SCGB2B2: variants seen among roughly 807,000 people sequenced by gnomAD.
SCGB2B2 encodes the protein secretoglobin-like protein.
Under a neutral mutation model 7.6 loss-of-function variants are expected in SCGB2B2, and 11 were observed. The ratio of observed to expected loss-of-function variants is 1.45; its 90% CI spans 0.91 to 2.40. The LOEUF is 2.40. SCGB2B2 is among the 30% of genes most tolerant of loss of function. The probability of loss-of-function intolerance (pLI) is 0.00; values close to 1 mark genes in which losing one functional copy is unlikely to be tolerated. For missense variants in SCGB2B2, 104 were observed against 115.4 expected, an observed-to-expected ratio of 0.90 and a Z score of 0.45; for synonymous variants, 50 against 48.6, an observed-to-expected ratio of 1.03 and a Z score of -0.12.
intron 1 of SCGB2B2, among the ~76,000 whole-genome samples, chr19:34,603,039 C>T (rs73038294): frequency 0.087 from 13,309 of 152,180 alleles, 716 homozygotes; most frequent in East Asian, 0.28. Context: ...TTTGCAAAAT[C>T]TTTAAAAATT....
chr19:34,662,973 A>G (rs568952190), intron 1 of SCGB2B2, among the ~76,000 whole-genome samples: 1 of 152,264 alleles, frequency 6.6e-6, no homozygotes, highest in East Asian at 1.9e-4. Flanking sequence ...AAAAAACAAT[A>G]AAAGTGCGGA....
intron 1 of SCGB2B2, among the ~76,000 whole-genome samples, chr19:34,672,100 C>T (rs967021383): frequency 5.3e-5 from 8 of 151,564 alleles, no homozygotes; most frequent in African/African-American, 1.9e-4. Flanking sequence ...ATGATGGGGC[C>T]AATGCACTCC....
intron 1 of SCGB2B2, among the ~76,000 whole-genome samples, chr19:34,653,060 A>G (rs906560948): frequency 3.3e-5 from 5 of 151,406 alleles, no homozygotes; most frequent in Non-Finnish European, 7.4e-5. Flanking sequence ...TTGCAGCAAC[A>G]TGGATGAGCT....
At chr19:34,587,777 A>G (rs2065214109), downstream of SCGB2B2, among the ~76,000 whole-genome samples, 1 of 152,136 alleles carries the variant, frequency 6.6e-6, no homozygotes, top group African/African-American at 2.4e-5. Context: ...TTCTGCACCT[A>G]TCGAGATGTT....
At chr19:34,620,522 G>C (rs1383994088) in intron 1 of SCGB2B2, among the ~76,000 whole-genome samples, 3 of 116,400 alleles carry the variant, frequency 2.6e-5, no homozygotes, top group Non-Finnish European at 1.8e-5. Context: ...ACACCAGGGT[G>C]GGGGGAGGGG....
At chr19:34,629,249 A>C (rs2066462646) in intron 1 of SCGB2B2, among the ~76,000 whole-genome samples, 1 of 151,968 alleles carries the variant, frequency 6.6e-6, no homozygotes, top group African/African-American at 2.4e-5. Context: ...TATTCAACAT[A>C]GTGTTGGAAG....
At chr19:34,627,250 A>C (rs1013316191) in intron 1 of SCGB2B2, among the ~76,000 whole-genome samples, 2 of 152,252 alleles carry the variant, frequency 1.3e-5, no homozygotes, top group Non-Finnish European at 2.9e-5. Flanking sequence ...TCAAATTCAC[A>C]CATAACAATA....
chr19:34,667,962 G>C lies in SCGB2B2; in HGVS notation c.-2032+7668C>G, dbSNP rs567847463. On this transcript the variant is annotated intron_variant, in intron 1 of 3. Coordinates refer to ENST00000601241, the MANE Select transcript of SCGB2B2 (RefSeq NM_001025591.4). ...GGTCACCCTTACCAATCAGGGTCCA[G>C]TCAGGTGACAGAAGTCACAGGCAAG... is the stretch of plus-strand genomic sequence containing the variant. Among the ~76,000 whole-genome samples, 24 of 152,354 alleles carry C rather than the reference G, an allele frequency of 1.6e-4. No individual in the cohort carries two copies. The East Asian group carries it at 4.4e-3, about 28-fold the overall frequency.
chr19:34,668,221 G>A (rs1403246378), intron 1 of SCGB2B2, among the ~76,000 whole-genome samples: 1 of 152,200 alleles, frequency 6.6e-6, no homozygotes, highest in Non-Finnish European at 1.5e-5. Flanking sequence ...AACCGGGGCT[G>A]AGCGTGGCGC....
At chr19:34,642,584 C>T (rs909889715) in intron 1 of SCGB2B2, among the ~76,000 whole-genome samples, 5 of 151,548 alleles carry the variant, frequency 3.3e-5, no homozygotes, top group Non-Finnish European at 5.9e-5. Context: ...GGCATGGTGG[C>T]GGGTCCTTGT....
At chr19:34,629,365 A>G (rs1440874907) in intron 1 of SCGB2B2, among the ~76,000 whole-genome samples, 1 of 152,044 alleles carries the variant, frequency 6.6e-6, no homozygotes, top group Non-Finnish European at 1.5e-5. Context: ...GTACATTTAG[A>G]AAACCCCATC....
intron 1 of SCGB2B2, among the ~76,000 whole-genome samples, chr19:34,618,890 C>T (rs924225903): frequency 1.3e-5 from 2 of 152,160 alleles, no homozygotes; most frequent in Non-Finnish European, 2.9e-5. Context: ...GGGACCTGGC[C>T]TAAGCCTTAC....
At chr19:34,611,185 G>C (rs1412334135) in intron 1 of SCGB2B2, among the ~76,000 whole-genome samples, 1 of 147,090 alleles carries the variant, frequency 6.8e-6, no homozygotes, top group Non-Finnish European at 1.5e-5. Context: ...TTTCATTTTT[G>C]GTTTTATTTA....
chr19:34,612,058 T>A lies in SCGB2B2; in HGVS notation c.-2031-15464A>T, dbSNP rs1305793837. Among the ~76,000 whole-genome samples, 15 of 83,040 alleles carry A rather than the reference T, an allele frequency of 1.8e-4. 1 individual carries two copies. Among genetic ancestry groups the A allele is most frequent in the Admixed American group, 1.3e-3 (10 of 7,730 alleles). The allele number at this position is 83,040 out of a possible 152,430, so 54.5% of individuals were successfully genotyped here. ...TTTTTTTTTTTTTTTTTTTTTTTTT[T>A]AGGATAGTCTCACTCTGTTGCCAGG... is the stretch of plus-strand genomic sequence containing the variant. On this transcript the variant is annotated intron_variant, in intron 1 of 3. Transcript: ENST00000601241.
intron 1 of SCGB2B2, among the ~76,000 whole-genome samples, chr19:34,665,186 C>T (rs55978051): frequency 0.11 from 16,853 of 152,254 alleles, 982 homozygotes; most frequent in East Asian, 0.22. Flanking sequence ...GTGCCCAGGC[C>T]CCTCACCCAC....
intron 1 of SCGB2B2, chr19:34,608,684 T>TATATATATATATATATATATATACAC (rs879668084): frequency 5.5e-5 from 7 of 126,652 alleles, no homozygotes; most frequent in South Asian, 3.0e-4. Context: ...TATATATATA[T>TATATATATATATATATATATATACAC]ACCGTATTTT....
chr19:34,615,761 T>G (rs1182535212), intron 1 of SCGB2B2, among the ~76,000 whole-genome samples: 1 of 152,034 alleles, frequency 6.6e-6, no homozygotes, highest in East Asian at 1.9e-4. Flanking sequence ...TGGTTACATA[T>G]GTATACATGT....
At chr19:34,615,180 A>G (rs2066036904) in intron 1 of SCGB2B2, among the ~76,000 whole-genome samples, 1 of 152,164 alleles carries the variant, frequency 6.6e-6, no homozygotes, top group African/African-American at 2.4e-5. Context: ...ACAGTGCAAT[A>G]GCTGTATGGG....
intron 1 of SCGB2B2, among the ~76,000 whole-genome samples, chr19:34,622,796 G>T (rs1299217978): frequency 6.6e-6 from 1 of 152,154 alleles, no homozygotes; most frequent in African/African-American, 2.4e-5. Context: ...ATTAGGGGCT[G>T]CCTGAGTAAT....
Sources: allele counts gnomAD v4.1 joint callset (sites outside exome capture counted in the v4.1 genomes callset), GRCh38; gene constraint gnomAD v4.1.1; transcripts MANE v1.5; gene names NCBI Gene and HGNC (gene_info 2026-07-23, HGNC 2026-07-21).